CENPP: variants seen among roughly 807,000 people sequenced by gnomAD.
CENPP encodes centromere protein P.
CENPP carries 24 observed loss-of-function variants against 35.6 expected under a neutral mutation model. The ratio of observed to expected loss-of-function variants is 0.67; its 90% CI spans 0.49 to 0.95. CENPP has a LOEUF of 0.95. CENPP is among the 40% of genes least tolerant of loss of function. The pLI, the probability that CENPP is intolerant of heterozygous loss-of-function variation, is 0.00. For synonymous variants in CENPP, 120 were observed against 125.5 expected (o/e 0.96, Z 0.29); for missense variants, 332 against 345.3 (o/e 0.96, Z 0.31).
chr9:92,615,040 C>G lies in CENPP; in HGVS notation c.*1891C>G, dbSNP rs1295908214. On this transcript the variant is annotated 3_prime_UTR_variant, in exon 8 of 8. Transcript: ENST00000375587. The stretch of plus-strand genomic sequence containing the variant: ...TGAGCTGTTGGGGCACACTGCCCAG[C>G]CCGGCCACAGCAGCTCAGCCAGTCA... The G allele has an allele frequency of 6.6e-6, 1 of 152,336 alleles. No homozygotes were observed. The highest frequency in any genetic ancestry group is 1.5e-5 in the Non-Finnish European group (1 of 68,120). The allele number at this position is 152,336 out of a possible 1,614,324, so 9.4% of individuals were successfully genotyped here. A position where few individuals can be genotyped will look rare whatever the true frequency, so the allele number is the denominator to read the frequency against.
chr9:92,416,641 G>T (rs1269170546), intron 5 of CENPP: 1 of 1,587,160 alleles, frequency 6.3e-7, no homozygotes, highest in Non-Finnish European at 8.6e-7. Context: ...TATTTTGTAG[G>T]TATAGGTGTT....
chr9:92,390,183 A>T, intron 5 of CENPP: 1 of 598,376 alleles, frequency 1.7e-6, no homozygotes, highest in Non-Finnish European at 2.9e-6. Context: ...GACTGTTTAC[A>T]ATTCATAGCC....
At chr9:92,439,295 A>G (rs1844324835) in intron 5 of CENPP, among the ~76,000 whole-genome samples, 2 of 152,126 alleles carry the variant, frequency 1.3e-5, no homozygotes, top group African/African-American at 4.8e-5. Flanking sequence ...TTATTAGAAT[A>G]AGACTGCCCT....
At chr9:92,591,547 C>T (rs1197179147) in intron 5 of CENPP, among the ~76,000 whole-genome samples, 1 of 151,376 alleles carries the variant, frequency 6.6e-6, no homozygotes, top group East Asian at 1.9e-4. Flanking sequence ...AACGGCATTC[C>T]AGATACCACA....
Position 92,355,543 on chromosome 9 carries a change from AT to A in CENPP, c.467+9759del, listed in dbSNP as rs372904015. 2.2e-3 allele frequency among the ~76,000 whole-genome samples: 340 copies of A among 152,272 alleles called. 4 individuals carry two copies. Among genetic ancestry groups the A allele is most frequent in the African/African-American group, 7.7e-3 (319 of 41,562 alleles). On this transcript the variant is annotated intron_variant, in intron 4 of 7. Coordinates refer to ENST00000375587, the MANE Select transcript of CENPP (RefSeq NM_001012267.3). ...GAATTATTTGAGAGAAAATCAAACCATTTCTTTTAGACCAATCTAGCTGAAC... is the reference window on the plus strand; with the variant it reads ...GAATTATTTGAGAGAAAATCAAACCATTCTTTTAGACCAATCTAGCTGAAC...
intron 5 of CENPP, among the ~76,000 whole-genome samples, chr9:92,458,737 C>T (rs1844977839): frequency 1.3e-5 from 2 of 152,136 alleles, no homozygotes; most frequent in Admixed American, 1.3e-4. Context: ...GATGGGGCAG[C>T]TTGAGAGAGG....
intron 4 of CENPP, among the ~76,000 whole-genome samples, chr9:92,375,713 CTCTT>C (rs1160663761): frequency 6.6e-6 from 1 of 152,066 alleles, no homozygotes; most frequent in African/African-American, 2.4e-5. Flanking sequence ...AAAAATTTCT[CTCTT>C]TATTGCCATT....
At chr9:92,553,790 T>C (rs1041220844) in intron 5 of CENPP, among the ~76,000 whole-genome samples, 2 of 152,226 alleles carry the variant, frequency 1.3e-5, no homozygotes, top group African/African-American at 4.8e-5. Flanking sequence ...TGCTAAATTC[T>C]TTGATCAGTT....
chr9:92,339,012 T>A (rs1387443343), intron 3 of CENPP, among the ~76,000 whole-genome samples: 2 of 152,016 alleles, frequency 1.3e-5, no homozygotes, highest in East Asian at 3.9e-4. Context: ...CCAAGAAAAG[T>A]TGAAAGCCAG....
intron 2 of CENPP, among the ~76,000 whole-genome samples, chr9:92,335,555 G>A (rs1253787131): frequency 2.0e-5 from 3 of 151,424 alleles, no homozygotes; most frequent in Non-Finnish European, 4.4e-5. Flanking sequence ...TAATTTTTGT[G>A]AAAGGTATAG....
chr9:92,331,796 A>G (rs1840755371), intron 1 of CENPP, among the ~76,000 whole-genome samples: 1 of 152,076 alleles, frequency 6.6e-6, no homozygotes, highest in Non-Finnish European at 1.5e-5. Flanking sequence ...CCTTGTCTCT[A>G]TGAGAAGGAA....
chr9:92,517,586 T>G, intron 5 of CENPP: 1 of 1,507,716 alleles, frequency 6.6e-7, no homozygotes, highest in Non-Finnish European at 9.1e-7. Context: ...TACTCAGATC[T>G]GACTAATGTA....
At chr9:92,379,103 C>A (rs1842188468) in intron 4 of CENPP, among the ~76,000 whole-genome samples, 1 of 152,182 alleles carries the variant, frequency 6.6e-6, no homozygotes, top group Non-Finnish European at 1.5e-5. Flanking sequence ...ACTATACTTA[C>A]AATTAGCATT....
In CENPP at chr9:92,591,419, A is replaced by AAAAT. The variant is rs376342154; in HGVS notation, c.565-19876_565-19873dup. On this transcript the variant is annotated intron_variant, in intron 5 of 7. Transcript: ENST00000375587. ...GGGCGACTGAGCAAGACTCTGTCTCAAAATAAATAAATAAATAAATAAGAC... is the reference window on the plus strand; with the variant it reads ...GGGCGACTGAGCAAGACTCTGTCTCAAAATAAATAAATAAATAAATAAATAAGAC... Among the ~76,000 whole-genome samples, 556 of 151,614 alleles carry AAAAT rather than the reference A, an allele frequency of 3.7e-3. 1 individual carries two copies. Among genetic ancestry groups the AAAAT allele is most frequent in the Non-Finnish European group, 6.2e-3 (418 of 67,902 alleles).
At chr9:92,457,370 A>G (rs758217255) in intron 5 of CENPP, 6 of 1,613,864 alleles carry the variant, frequency 3.7e-6, no homozygotes, top group Non-Finnish European at 5.1e-6. Context: ...CCAGTATTTC[A>G]CCGGGTTGTT....
intron 3 of CENPP, among the ~76,000 whole-genome samples, chr9:92,343,437 A>G (rs779627366): frequency 4.5e-4 from 68 of 152,240 alleles, no homozygotes; most frequent in Non-Finnish European, 6.5e-4. Flanking sequence ...TTAGATTGGT[A>G]GGAGTTTGTG....
chr9:92,441,335 C>A (rs1036584670), intron 5 of CENPP, among the ~76,000 whole-genome samples: 3 of 152,204 alleles, frequency 2.0e-5, no homozygotes, highest in Admixed American at 2.0e-4. Context: ...AAGTACACCA[C>A]AAGTACGCAG....
At chr9:92,404,178 C>T (rs1343014679) in intron 5 of CENPP, among the ~76,000 whole-genome samples, 2 of 152,090 alleles carry the variant, frequency 1.3e-5, no homozygotes, top group Non-Finnish European at 2.9e-5. Context: ...CTGGTGGGTA[C>T]ACATTTCAGA....
At chr9:92,393,261 A>G (rs1253056928) in intron 5 of CENPP, 2 of 1,565,820 alleles carry the variant, frequency 1.3e-6, no homozygotes, top group Non-Finnish European at 1.7e-6. Flanking sequence ...TGGGAATAAA[A>G]TCATAAAAAT....
Sources: gnomAD v4.1 joint callset for allele counts (sites outside exome capture counted in the v4.1 genomes callset) on GRCh38, gnomAD v4.1.1 for gene constraint, MANE v1.5 for transcripts, NCBI Gene and HGNC (gene_info 2026-07-23, HGNC 2026-07-21) for gene names.